RSPH10B: variants seen among roughly 807,000 people sequenced by gnomAD.
RSPH10B encodes radial spoke head 10 homolog B, also known as radial spoke head 10 homolog B (Chlamydomonas).
Under a neutral mutation model 52.5 loss-of-function variants are expected in RSPH10B, and 7 were observed. That is an observed-to-expected ratio of 0.13 (90% CI 0.08 to 0.25). The LOEUF (loss-of-function observed/expected upper bound fraction) is 0.25, where lower values mean the gene tolerates loss of function less well. Ranked by LOEUF, RSPH10B falls within the 10% of genes least tolerant of loss-of-function variation. The pLI is 1.00. For missense variants in RSPH10B, 89 were observed against 542.5 expected (o/e 0.16, Z 8.30); for synonymous variants, 28 against 193.2 (o/e 0.14, Z 7.09).
intron 13 of RSPH10B, among the ~76,000 whole-genome samples, chr7:5,941,578 A>C (rs1246426444): frequency 6.7e-6 from 1 of 149,446 alleles, no homozygotes; most frequent in African/African-American, 2.4e-5. Flanking sequence ...CCCTGTCTCT[A>C]CTAAAAAATA....
chr7:5,968,357 TC>T (rs1330518391), upstream of RSPH10B, among the ~76,000 whole-genome samples: 3 of 141,846 alleles, frequency 2.1e-5, no homozygotes, highest in East Asian at 6.7e-4. Flanking sequence ...ACCACTGCAC[TC>T]TAGCCTCGGC....
At position 5,943,635 on chromosome 7, in the gene RSPH10B, C is replaced by T. The variant is rs893452282; in HGVS notation, c.1610-163G>A. 2.6e-4 allele frequency among the ~76,000 whole-genome samples: 39 copies of T among 148,722 alleles called. 1 individual carries two copies. The highest frequency in any genetic ancestry group is 8.5e-4 in the African/African-American group (34 of 40,234). ...CTTGGCTCGCTGCAACCTCCGCCCCCCAGGCTCAAGCGATTCTCCTGCCTC... is the reference window on the plus strand; with the variant it reads ...CTTGGCTCGCTGCAACCTCCGCCCCTCAGGCTCAAGCGATTCTCCTGCCTC... On this transcript the variant is annotated intron_variant, in intron 12 of 18. Coordinates refer to ENST00000337579, the Ensembl canonical transcript of RSPH10B.
At chr7:5,957,644 T>C (rs1482606848) in intron 6 of RSPH10B, among the ~76,000 whole-genome samples, 1 of 51,440 alleles carries the variant, frequency 1.9e-5, no homozygotes. Flanking sequence ...AAAAAACAAT[T>C]AGCCCGGCCG....
chr7:5,968,761 G>T (rs1781199448), upstream of RSPH10B, among the ~76,000 whole-genome samples: 1 of 61,780 alleles, frequency 1.6e-5, no homozygotes, highest in Non-Finnish European at 4.2e-5. Flanking sequence ...GCCCGCCTTG[G>T]CCTCCAAAGT....
At chr7:5,927,081 T>TATATATATATATGC (rs1779521359) in intron 18 of RSPH10B, among the ~76,000 whole-genome samples, 1 of 137,314 alleles carries the variant, frequency 7.3e-6, no homozygotes, top group African/African-American at 3.0e-5. Flanking sequence ...TGTGTGTGTG[T>TATATATATATATGC]GTGTGTGTGT....
rs150542923 is a variant in RSPH10B, at chr7:5,943,042, A to AAT, written c.1758+280_1758+281dup. On this transcript the variant is annotated intron_variant, in intron 13 of 18. Coordinates refer to ENST00000337579, the Ensembl canonical transcript of RSPH10B. ...CGGCCTCTCAAAGTGCTGGGATTGCAATATATATATATATGCATGCCATGG... is the reference window on the plus strand; with the variant it reads ...CGGCCTCTCAAAGTGCTGGGATTGCAATATATATATATATATGCATGCCATGG... Among the ~76,000 whole-genome samples, 110 of 148,452 alleles carry AAT rather than the reference A, an allele frequency of 7.4e-4. 1 individual carries two copies. The highest frequency in any genetic ancestry group is 6.0e-3 in the East Asian group (31 of 5,130).
chr7:5,938,414 C>CAAA (rs563728539), intron 14 of RSPH10B, among the ~76,000 whole-genome samples: 1 of 112,970 alleles, frequency 8.9e-6, no homozygotes, highest in Non-Finnish European at 2.0e-5. Flanking sequence ...AAAAAAAATA[C>CAAA]AAAAAAAAAA....
intron 16 of RSPH10B, among the ~76,000 whole-genome samples, chr7:5,933,422 G>T (rs1779871299): frequency 8.3e-6 from 1 of 121,014 alleles, no homozygotes; most frequent in Admixed American, 8.7e-5. Flanking sequence ...CCCAAAACTT[G>T]AAAATGTCAC....
At position 5,943,481 on chromosome 7, in the gene RSPH10B, A is replaced by T. The variant is rs781122300; in HGVS notation, c.1610-9T>A. The T allele has an allele frequency of 1.9e-6, 3 of 1,604,936 alleles. No homozygotes were observed. Among genetic ancestry groups the T allele is most frequent in the Non-Finnish European group, 2.6e-6 (3 of 1,174,754 alleles). ...CTCACGGAATAAATTGCCTAAAAAT[A>T]CAACGTTCGAAAAATGATTACAGAT... On this transcript the variant is annotated splice_polypyrimidine_tract_variant and intron_variant, in intron 12 of 18. Coordinates refer to ENST00000337579, the Ensembl canonical transcript of RSPH10B.
rs1780305068 is a variant in RSPH10B at position 5,943,315 on chromosome 7, G to A, written c.1758+9C>T. Reference sequence around the variant, plus strand: ...AAATAGAAAGCCAATATCGAACTTAGGTGGTTACTTTCAGCATCCAGAGGA... The same window carrying A: ...AAATAGAAAGCCAATATCGAACTTAAGTGGTTACTTTCAGCATCCAGAGGA... On this transcript the variant is annotated intron_variant, in intron 13 of 18. Transcript: ENST00000337579. 13 of 1,531,446 alleles carry A rather than the reference G, an allele frequency of 8.5e-6. No homozygotes were observed. The highest frequency in any genetic ancestry group is 1.1e-5 in the Non-Finnish European group (13 of 1,139,914). The allele number at this position is 1,531,446 out of a possible 1,614,324, so 94.9% of individuals were successfully genotyped here. A position where few individuals can be genotyped will look rare whatever the true frequency, so the allele number is the denominator to read the frequency against.
intron 13 of RSPH10B, among the ~76,000 whole-genome samples, chr7:5,942,935 T>A (rs1407025614): frequency 7.2e-6 from 1 of 139,806 alleles, no homozygotes; most frequent in South Asian, 2.2e-4. Context: ...TATTTTTTTT[T>A]AAGACAATGG....
At chr7:5,944,883 A>C (rs1780409265) in intron 11 of RSPH10B, among the ~76,000 whole-genome samples, 181 bp downstream of exon 13, 1 of 147,698 alleles carries the variant, frequency 6.8e-6, no homozygotes, top group Non-Finnish European at 1.5e-5. Context: ...GAATTGCTTG[A>C]ACCGGGGAGG....
At chr7:5,930,804 T>C (rs1394096758) in intron 17 of RSPH10B, among the ~76,000 whole-genome samples, 2 of 27,098 alleles carry the variant, frequency 7.4e-5, no homozygotes, top group East Asian at 5.3e-3. Flanking sequence ...AAGGTGAGCA[T>C]GTACACAGCC....
At position 5,927,070 on chromosome 7, in the gene RSPH10B, A is replaced by T. The variant is rs987580192; in HGVS notation, c.2433-522T>A. Among the ~76,000 whole-genome samples, 310 of 110,710 alleles carry T rather than the reference A, an allele frequency of 2.8e-3. 1 individual carries two copies. The East Asian group carries it at 0.031, about 11-fold the overall frequency. 72.6% of individuals were successfully genotyped at this position (110,710 alleles called of 152,430 possible). A position where few individuals can be genotyped will look rare whatever the true frequency, so the allele number is the denominator to read the frequency against. ...GTATTATGTGTGTGTGTGTGTGTATATGTGTGTGTGTGTGTGTGTGTGTGT... is the reference window on the plus strand; with the variant it reads ...GTATTATGTGTGTGTGTGTGTGTATTTGTGTGTGTGTGTGTGTGTGTGTGT... On this transcript the variant is annotated intron_variant, in intron 18 of 18. Coordinates refer to ENST00000337579, the Ensembl canonical transcript of RSPH10B.
intron 18 of RSPH10B, among the ~76,000 whole-genome samples, chr7:5,927,080 G>GTGTATATATATA (rs1779520757): frequency 7.6e-6 from 1 of 132,142 alleles, no homozygotes; most frequent in Non-Finnish European, 1.6e-5. Context: ...ATGTGTGTGT[G>GTGTATATATATA]TGTGTGTGTG....
chr7:5,927,141 G>C (rs1488991002), intron 18 of RSPH10B, among the ~76,000 whole-genome samples: 2 of 140,412 alleles, frequency 1.4e-5, no homozygotes, highest in Admixed American at 1.5e-4. Flanking sequence ...GCCCAGGCTG[G>C]AGTGCAGTGG....
chr7:5,950,299 A>C (rs1446368408), intron 9 of RSPH10B, among the ~76,000 whole-genome samples: 2 of 151,966 alleles, frequency 1.3e-5, no homozygotes, highest in African/African-American at 2.4e-5. Context: ...CGCCAGGTGC[A>C]GTGGCTCACG....
chr7:5,968,656 A>G (rs375646128), upstream of RSPH10B, among the ~76,000 whole-genome samples: 3,708 of 63,016 alleles, frequency 0.059, 559 homozygotes, highest in East Asian at 0.087. Context: ...ACAGGCGCCC[A>G]CCACCACACC....
In RSPH10B at chr7:5,938,414, C is replaced by CAA. The variant is rs563728539; in HGVS notation, c.1866+306_1866+307dup. Among the ~76,000 whole-genome samples, 355 of 112,966 alleles carry CAA rather than the reference C, an allele frequency of 3.1e-3. 8 individuals are homozygous for CAA. The highest frequency in any genetic ancestry group is 1.0e-2 in the African/African-American group (321 of 32,126). The allele number at this position is 112,966 out of a possible 152,430, so 74.1% of individuals were successfully genotyped here. On this transcript the variant is annotated intron_variant, in intron 14 of 18. Coordinates refer to ENST00000337579, the Ensembl canonical transcript of RSPH10B. ...AACTCCGTCTCTACTAAAAAAAATA[C>CAA]AAAAAAAAAAAAAATTAGCCGGGCG...
Sources: gnomAD v4.1 joint callset for allele counts (sites outside exome capture counted in the v4.1 genomes callset) on GRCh38, gnomAD v4.1.1 for gene constraint, MANE v1.5 for transcripts, NCBI Gene and HGNC (gene_info 2026-07-23, HGNC 2026-07-21) for gene names.